Variants in IGFBP7 observed in about 807,000 individuals in gnomAD.
IGFBP7 encodes insulin-like growth factor-binding protein 7.
A neutral mutation model predicts 29.4 loss-of-function variants in IGFBP7; 31 were observed. That is an observed-to-expected ratio of 1.05 (90% CI 0.79 to 1.42). The LOEUF (loss-of-function observed/expected upper bound fraction) is 1.42. IGFBP7 is among the 40% of genes most tolerant of loss of function. The probability of loss-of-function intolerance (pLI) is 0.00; values close to 1 mark genes in which losing one functional copy is unlikely to be tolerated. For missense variants in IGFBP7, 393 were observed against 395.5 expected, an observed-to-expected ratio of 0.99 and a Z score of 0.05; for synonymous variants, 172 against 174.9, an observed-to-expected ratio of 0.98 and a Z score of 0.13.
At chr4:57,095,252 A>G (rs866900785) in intron 1 of IGFBP7, among the ~76,000 whole-genome samples, 11 of 152,244 alleles carry the variant, frequency 7.2e-5, no homozygotes, top group African/African-American at 9.6e-5. Flanking sequence ...AGAATCACAC[A>G]TAAAACAAAA....
chr4:57,066,275 C>T (rs1234138447), intron 1 of IGFBP7, among the ~76,000 whole-genome samples: 1 of 152,158 alleles, frequency 6.6e-6, no homozygotes, highest in African/African-American at 2.4e-5. Flanking sequence ...CAGTGCTGTG[C>T]TGTTAGGATG....
chr4:57,084,457 A>G (rs10015212), intron 1 of IGFBP7, among the ~76,000 whole-genome samples: 95,335 of 152,062 alleles, frequency 0.63, 31,888 homozygotes, highest in Non-Finnish European at 0.74. Flanking sequence ...ACATTTTGAG[A>G]GTAAGTCACA....
At chr4:57,039,853 A>G (rs1724176762) in intron 2 of IGFBP7, among the ~76,000 whole-genome samples, 1 of 152,020 alleles carries the variant, frequency 6.6e-6, no homozygotes, top group Admixed American at 6.6e-5. Context: ...CTCAAACTCC[A>G]GGACTCAAGT....
At chr4:57,054,848 C>T (rs947275534) in intron 1 of IGFBP7, among the ~76,000 whole-genome samples, 1 of 152,078 alleles carries the variant, frequency 6.6e-6, no homozygotes, top group Admixed American at 6.5e-5. Flanking sequence ...CCTGTACACT[C>T]GGACAACCAA....
intron 1 of IGFBP7, among the ~76,000 whole-genome samples, chr4:57,089,603 T>G (rs1232979904): frequency 6.6e-6 from 1 of 152,222 alleles, no homozygotes; most frequent in South Asian, 2.1e-4. Flanking sequence ...AAGCTTCTAG[T>G]CACCCTTTGA....
intron 1 of IGFBP7, among the ~76,000 whole-genome samples, chr4:57,069,013 C>A (rs950787362): frequency 7.3e-5 from 8 of 109,142 alleles, no homozygotes; most frequent in South Asian, 7.1e-4. Flanking sequence ...TGGAGAAATT[C>A]TCTGAGCCCC....
intron 1 of IGFBP7, among the ~76,000 whole-genome samples, chr4:57,082,599 T>G (rs897461252): frequency 5.3e-5 from 8 of 152,232 alleles, no homozygotes; most frequent in African/African-American, 1.9e-4. Context: ...AGTATTCTTT[T>G]AAAATATTTT....
At chr4:57,034,051 A>AT (rs1318187892) in intron 2 of IGFBP7, among the ~76,000 whole-genome samples, 1 of 145,316 alleles carries the variant, frequency 6.9e-6, no homozygotes, top group Non-Finnish European at 1.6e-5. Flanking sequence ...CTCCATCTCA[A>AT]AAAAAAAAAA....
intron 1 of IGFBP7, among the ~76,000 whole-genome samples, chr4:57,073,876 A>G (rs181879538): frequency 1.5e-3 from 231 of 152,222 alleles, no homozygotes; most frequent in Admixed American, 4.6e-3. Context: ...GTTGATCGGG[A>G]GTGATCATAA....
intron 1 of IGFBP7, among the ~76,000 whole-genome samples, chr4:57,098,594 C>A (rs987133604): frequency 1.3e-5 from 2 of 152,234 alleles, no homozygotes; most frequent in African/African-American, 2.4e-5. Context: ...AGAGGGGCCT[C>A]TGGCTCCGAA....
chr4:57,030,922 C>T lies in IGFBP7; in HGVS notation c.*395G>A, dbSNP rs767100886. 2.4e-5 allele frequency: 38 copies of T among 1,606,964 alleles called. No individual in the cohort carries two copies. Among genetic ancestry groups the T allele is most frequent in the Middle Eastern group, 3.3e-4 (2 of 6,056 alleles). ...AGATTTCTTTGGTGCGAATGCCTTA[C>T]GCATGCAAACTATTGTTTCAGGAAC... On this transcript the variant is annotated 3_prime_UTR_variant, in exon 5 of 5. Coordinates refer to ENST00000295666, the MANE Select transcript of IGFBP7 (RefSeq NM_001553.3).
intron 1 of IGFBP7, among the ~76,000 whole-genome samples, chr4:57,074,081 G>A (rs1725135742): frequency 6.6e-6 from 1 of 150,634 alleles, no homozygotes; most frequent in Non-Finnish European, 1.5e-5. Flanking sequence ...TTTCTTTTGA[G>A]ACACAGTCTC....
At chr4:57,032,697 G>T in intron 3 of IGFBP7, 145 bp from the exon 4 acceptor site, 1 of 703,676 alleles carries the variant, frequency 1.4e-6, no homozygotes, top group Non-Finnish European at 2.5e-6. Context: ...CAAGTCCTGT[G>T]ATAGGAGACT....
rs148561046 is a variant in IGFBP7, at chr4:57,046,019, C to T, written c.476-5086G>A. On this transcript the variant is annotated intron_variant, in intron 1 of 4. Coordinates refer to ENST00000295666, the MANE Select transcript of IGFBP7 (RefSeq NM_001553.3). Reference sequence around the variant, plus strand: ...GGGATTACAGGTGTGAGCCACTGCACGCGACCAAAATCTCTTGATAAAAGC... The same window carrying T: ...GGGATTACAGGTGTGAGCCACTGCATGCGACCAAAATCTCTTGATAAAAGC... Among the ~76,000 whole-genome samples the T allele has an allele frequency of 5.7e-3, 872 of 152,164 alleles. 12 individuals carry two copies. Among genetic ancestry groups the T allele is most frequent in the Middle Eastern group, 0.02 (6 of 294 alleles).
chr4:57,065,171 CCAGGAGGCGGT>C (rs1724888957), intron 1 of IGFBP7, among the ~76,000 whole-genome samples: 1 of 152,224 alleles, frequency 6.6e-6, no homozygotes, highest in Non-Finnish European at 1.5e-5. Context: ...TCGGCCCACG[CCAGGAGGCGGT>C]CAAGGTCCCA....
intron 1 of IGFBP7, among the ~76,000 whole-genome samples, chr4:57,058,605 G>C (rs1346537332): frequency 6.6e-6 from 1 of 152,162 alleles, no homozygotes; most frequent in African/African-American, 2.4e-5. Flanking sequence ...ACTCAAGATG[G>C]ATTAAAGATG....
intron 2 of IGFBP7, 58 bp downstream of exon 2, chr4:57,040,766 G>T: frequency 1.7e-6 from 2 of 1,175,632 alleles, no homozygotes; most frequent in East Asian, 2.3e-5. Flanking sequence ...TACCATCCTT[G>T]TGCAGTGCAA....
chr4:57,057,982 C>T (rs1724713025), intron 1 of IGFBP7, among the ~76,000 whole-genome samples: 1 of 152,148 alleles, frequency 6.6e-6, no homozygotes, highest in South Asian at 2.1e-4. Flanking sequence ...TTTGACCTGT[C>T]TCCAAATTTC....
chr4:57,062,859 A>T (rs1724831831), intron 1 of IGFBP7, among the ~76,000 whole-genome samples: 1 of 152,152 alleles, frequency 6.6e-6, no homozygotes. Context: ...TGGGATTTGA[A>T]ATGTTTTAGA....
Sources: gnomAD v4.1 joint callset for allele counts (sites outside exome capture counted in the v4.1 genomes callset) on GRCh38, gnomAD v4.1.1 for gene constraint, MANE v1.5 for transcripts, NCBI Gene and HGNC (gene_info 2026-07-23, HGNC 2026-07-21) for gene names.